CENPL: variants seen among roughly 807,000 people sequenced by gnomAD.
CENPL encodes the protein centromere protein L.
A neutral mutation model predicts 35.2 loss-of-function variants in CENPL; 20 were observed. That is an observed-to-expected ratio of 0.57 (90% CI 0.40 to 0.83). The LOEUF is 0.83. Among genes scored for constraint, CENPL ranks in the 40% least tolerant of loss-of-function variants. CENPL has a pLI of 0.00. For synonymous variants in CENPL, 140 were observed against 140.6 expected (o/e 1.00, Z 0.03); for missense variants, 363 against 395.8 (o/e 0.92, Z 0.70).
At position 173,824,516 on chromosome 1, in the gene CENPL, T is replaced by A. The variant is rs976174210; in HGVS notation, c.-406A>T. On this transcript the variant is annotated 5_prime_UTR_variant, in exon 1 of 6. Transcript: ENST00000682279. ...GCAAGGCCGAGCCACTTAACCACTA[T>A]CGTCAACCTTTCCAATCGTGCTCGG... The A allele has an allele frequency of 6.5e-6, 1 of 152,806 alleles. No individual in the cohort carries two copies. Among genetic ancestry groups the A allele is most frequent in the Non-Finnish European group, 1.5e-5 (1 of 68,370 alleles). 9.5% of individuals were successfully genotyped at this position (152,806 alleles called of 1,614,324 possible). A position where few individuals can be genotyped will look rare whatever the true frequency, so the allele number is the denominator to read the frequency against.
chr1:173,803,756 C>T (rs556928522), intron 4 of CENPL, among the ~76,000 whole-genome samples: 172 of 151,994 alleles, frequency 1.1e-3, no homozygotes, highest in Non-Finnish European at 2.2e-3. Flanking sequence ...ACTGCAACCT[C>T]CACCTCCTGG....
chr1:173,802,410 G>C (rs111410746), intron 5 of CENPL, among the ~76,000 whole-genome samples: 501 of 152,194 alleles, frequency 3.3e-3, no homozygotes, highest in Non-Finnish European at 5.7e-3. Context: ...GTTTCACCGT[G>C]TTAGCCAGCA....
At chr1:173,816,389 A>G (rs191252371) in intron 2 of CENPL, among the ~76,000 whole-genome samples, 4 of 152,312 alleles carry the variant, frequency 2.6e-5, no homozygotes, top group Admixed American at 1.3e-4. Context: ...AATCCTAAGC[A>G]AAAAGAACAA....
At chr1:173,810,828 G>T (rs1018996597) in intron 3 of CENPL, among the ~76,000 whole-genome samples, 5 of 152,122 alleles carry the variant, frequency 3.3e-5, no homozygotes, top group African/African-American at 1.2e-4. Flanking sequence ...GGCTGAGGCA[G>T]GAGAATGGCC....
intron 3 of CENPL, among the ~76,000 whole-genome samples, chr1:173,810,354 C>G (rs1414903989): frequency 6.6e-6 from 1 of 151,932 alleles, no homozygotes; most frequent in African/African-American, 2.4e-5. Context: ...ACGCTTAGGC[C>G]TGTCGGGGGT....
At chr1:173,819,112 C>G (rs1290785889) in intron 2 of CENPL, among the ~76,000 whole-genome samples, 1 of 151,958 alleles carries the variant, frequency 6.6e-6, no homozygotes, top group Non-Finnish European at 1.5e-5. Context: ...TAGTGCACAC[C>G]TGTGGTCCCA....
intron 2 of CENPL, chr1:173,821,696 AC>A (rs1266662705): frequency 6.6e-6 from 1 of 151,864 alleles, no homozygotes; most frequent in East Asian, 1.9e-4. Context: ...TTATTAATAT[AC>A]CTTGGCTCAA....
chr1:173,823,515 C>G (rs1209825010), intron 2 of CENPL: 4 of 152,248 alleles, frequency 2.6e-5, no homozygotes, highest in Non-Finnish European at 4.4e-5. Context: ...GATGATCACT[C>G]TACTGTTCTC....
chr1:173,819,428 T>C (rs897808795), intron 2 of CENPL, among the ~76,000 whole-genome samples: 3 of 151,020 alleles, frequency 2.0e-5, no homozygotes, highest in Non-Finnish European at 3.0e-5. Context: ...CCGTCTCTAC[T>C]AGAAAAACAA....
intron 2 of CENPL, among the ~76,000 whole-genome samples, chr1:173,812,318 T>A (rs1326260640): frequency 6.6e-6 from 1 of 152,212 alleles, no homozygotes; most frequent in African/African-American, 2.4e-5. Flanking sequence ...GAGCAGTGGT[T>A]CTCCCAGCAT....
chr1:173,817,351 AACAG>A (rs1239818001), intron 2 of CENPL, among the ~76,000 whole-genome samples: 1 of 152,242 alleles, frequency 6.6e-6, no homozygotes, highest in East Asian at 1.9e-4. Flanking sequence ...AAAGGATATG[AACAG>A]ACACTTTTCA....
chr1:173,816,278 A>G (rs1651368738), intron 2 of CENPL, among the ~76,000 whole-genome samples: 1 of 152,236 alleles, frequency 6.6e-6, no homozygotes. Flanking sequence ...TTATAGATTC[A>G]GTGCCATCCC....
intron 3 of CENPL, among the ~76,000 whole-genome samples, chr1:173,810,341 C>T (rs1008727094): frequency 6.6e-6 from 1 of 152,040 alleles, no homozygotes; most frequent in Non-Finnish European, 1.5e-5. Flanking sequence ...AGGGGAACAA[C>T]ACACGCTTAG....
intron 2 of CENPL, among the ~76,000 whole-genome samples, chr1:173,819,206 C>T (rs1651702495): frequency 1.3e-5 from 2 of 151,918 alleles, no homozygotes; most frequent in South Asian, 4.2e-4. Flanking sequence ...CGAATTCCAG[C>T]CTGGGTGACA....
At chr1:173,820,054 C>T (rs958395674) in intron 2 of CENPL, among the ~76,000 whole-genome samples, 1 of 151,968 alleles carries the variant, frequency 6.6e-6, no homozygotes. Flanking sequence ...CATCCCTTAC[C>T]CAAAATGCTT....
intron 2 of CENPL, among the ~76,000 whole-genome samples, chr1:173,813,366 G>A (rs748536897): frequency 7.9e-4 from 120 of 152,030 alleles, no homozygotes; most frequent in Non-Finnish European, 1.4e-3. Context: ...CCCAAGACAC[G>A]TAATTGTCAG....
At chr1:173,820,266 T>C (rs114886922) in intron 2 of CENPL, among the ~76,000 whole-genome samples, 184 of 152,132 alleles carry the variant, frequency 1.2e-3, no homozygotes, top group African/African-American at 4.2e-3. Context: ...TCTATTTCAA[T>C]ATGTTAGACT....
intron 2 of CENPL, among the ~76,000 whole-genome samples, chr1:173,811,688 T>G (rs9425745): frequency 0.34 from 52,362 of 152,122 alleles, 9,871 homozygotes; most frequent in African/African-American, 0.51. Flanking sequence ...AGAATCTGTC[T>G]AATCCAGTTC....
chr1:173,824,239 A>G lies in CENPL; in HGVS notation c.-129T>C, dbSNP rs1258136028. The G allele has an allele frequency of 6.6e-6, 1 of 152,232 alleles. No homozygotes were observed. Among genetic ancestry groups the G allele is most frequent in the Non-Finnish European group, 1.5e-5 (1 of 68,074 alleles). The allele number at this position is 152,232 out of a possible 1,614,324, so 9.4% of individuals were successfully genotyped here. A position where few individuals can be genotyped will look rare whatever the true frequency, so the allele number is the denominator to read the frequency against. On this transcript the variant is annotated 5_prime_UTR_variant, in exon 1 of 6. Transcript: ENST00000682279. ...AGCTCTGCGACCCTCGCTCCTGCGG[A>G]GTCAGCTTCTGCTCGCGGAGGGGGA...
Sources: allele counts gnomAD v4.1 joint callset (sites outside exome capture counted in the v4.1 genomes callset), GRCh38; gene constraint gnomAD v4.1.1; transcripts MANE v1.5; gene names NCBI Gene and HGNC (gene_info 2026-07-23, HGNC 2026-07-21).